Variants in ANKMY1 observed in about 807,000 individuals in gnomAD.
The protein encoded by ANKMY1 is ankyrin repeat and MYND domain-containing protein 1.
In ANKMY1, 98 loss-of-function variants were observed where a neutral mutation model predicts 102.0. That is an observed-to-expected ratio of 0.96 (90% CI 0.82 to 1.14). The LOEUF is 1.14. ANKMY1 is among the 50% of genes most tolerant of loss of function. The pLI is 0.00. For missense variants in ANKMY1, 1,330 were observed against 1,347.6 expected, an observed-to-expected ratio of 0.99 and a Z score of 0.20; for synonymous variants, 582 against 559.9, an observed-to-expected ratio of 1.04 and a Z score of -0.56.
chr2:240,474,262 ATTTTT>A, the ANKMY1 span, among the ~76,000 whole-genome samples: 3 of 90,980 alleles, frequency 3.3e-5, no homozygotes, highest in Non-Finnish European at 6.1e-5. Context: ...TGCCTGGCTA[ATTTTT>A]TTTTTTTTTT....
At chr2:240,548,184 C>T (rs1266476358) in intron 4 of ANKMY1, among the ~76,000 whole-genome samples, 1 of 152,170 alleles carries the variant, frequency 6.6e-6, no homozygotes, top group Admixed American at 6.5e-5. Context: ...TGGGCTTCAT[C>T]CCTGGGATGC....
the ANKMY1 span, among the ~76,000 whole-genome samples, chr2:240,470,597 A>G: frequency 6.6e-6 from 1 of 152,214 alleles, no homozygotes; most frequent in East Asian, 1.9e-4. Context: ...TTTACACTCA[A>G]TCTGGGAAAG....
intron 13 of ANKMY1, among the ~76,000 whole-genome samples, chr2:240,504,576 A>T (rs550510061): frequency 4.6e-5 from 7 of 151,874 alleles, no homozygotes; most frequent in Non-Finnish European, 8.8e-5. Flanking sequence ...AAAACTCAAT[A>T]ATATTAAAAA....
At chr2:240,479,838 G>A (rs1483413654) in intron 17 of ANKMY1, among the ~76,000 whole-genome samples, 183 bp from the exon 18 acceptor site, 1 of 152,176 alleles carries the variant, frequency 6.6e-6, no homozygotes, top group East Asian at 1.9e-4. Context: ...TCTTCAAAGA[G>A]GGGCCTGCCA....
At position 240,529,532 on chromosome 2, in the gene ANKMY1, C is replaced by T. The variant is rs373285689; in HGVS notation, c.481-23G>A. ...CCCCTGCCAAGGAAGCGCAATAGAC[C>T]GAGGAGAGATAACGCGACCCAGCTG... is the stretch of plus-strand genomic sequence containing the variant. On this transcript the variant is annotated intron_variant, in intron 4 of 17. Transcript: ENST00000401804. The surrounding 1 kb of genome is among the most constrained non-coding windows in gnomAD (Gnocchi z 4.2). The T allele has an allele frequency of 2.3e-3, 3,607 of 1,581,880 alleles. 10 individuals are homozygous for T. Among genetic ancestry groups the T allele is most frequent in the Non-Finnish European group, 2.8e-3 (3,211 of 1,162,208 alleles).
Position 240,553,077 on chromosome 2 carries a change from G to A in ANKMY1, c.337-20C>T, listed in dbSNP as rs1446789500. 1.2e-6 allele frequency: 2 copies of A among 1,610,300 alleles called. No homozygotes were observed. Among genetic ancestry groups the A allele is most frequent in the Admixed American group, 3.3e-5 (2 of 59,884 alleles). ...GTATGACTGTGAGATGGAGAAGTTG[G>A]TGAGAAATTGCTGCTCTTCCAGAAC... On this transcript the variant is annotated intron_variant, in intron 3 of 17. Transcript: ENST00000401804.
In ANKMY1 at chr2:240,529,289, T is replaced by C. The variant is rs2084697007; in HGVS notation, c.701A>G (p.Gln234Arg). 12 of 1,614,198 alleles carry C rather than the reference T, an allele frequency of 7.4e-6. No homozygotes were observed. Among genetic ancestry groups the C allele is most frequent in the Non-Finnish European group, 1.0e-5 (12 of 1,180,030 alleles). ...SEEEKTEWGLQEGQDPFFYDY... is the reference protein window; with the variant it reads ...SEEEKTEWGLREGQDPFFYDY... The stretch of plus-strand genomic sequence containing the variant: ...ATAGAAAAAGGGATCCTGTCCCTCC[T>C]GCAGTCCCCACTCCGTTTTCTCCTC... Residue 234 changes from glutamine to arginine, a missense_variant, in exon 5 of 18, where the codon CAG (glutamine) becomes CGG (arginine). Transcript: ENST00000401804. The surrounding 1 kb of genome is among the most constrained non-coding windows in gnomAD (Gnocchi z 4.2).
At chr2:240,531,891 A>C (rs572433644) in intron 4 of ANKMY1, among the ~76,000 whole-genome samples, 1 of 152,362 alleles carries the variant, frequency 6.6e-6, no homozygotes, top group African/African-American at 2.4e-5. Context: ...TGCAAATTTT[A>C]TCTCAATAAA....
intron 15 of ANKMY1, among the ~76,000 whole-genome samples, chr2:240,496,570 T>G (rs2077296778): frequency 1.3e-5 from 2 of 152,232 alleles, no homozygotes; most frequent in Admixed American, 6.5e-5. Flanking sequence ...ATTTGGTTAA[T>G]GACCAGCTGG....
chr2:240,525,949 C>A, intron 6 of ANKMY1, 100 bp from the exon 7 acceptor site: 2 of 1,409,012 alleles, frequency 1.4e-6, no homozygotes, highest in Non-Finnish European at 2.0e-6. Context: ...CACCCTATGG[C>A]AGGGCAGGAA....
intron 4 of ANKMY1, among the ~76,000 whole-genome samples, chr2:240,535,292 A>C (rs2086451295): frequency 6.6e-6 from 1 of 152,214 alleles, no homozygotes; most frequent in Admixed American, 6.5e-5. Context: ...TTCAGGCTGC[A>C]GGTAAATTTA....
In ANKMY1 at chr2:240,524,319, C is replaced by T; in HGVS notation, c.1398G>A (p.Glu466=). 1.2e-6 allele frequency: 2 copies of T among 1,613,354 alleles called. No homozygotes were observed. Among genetic ancestry groups the T allele is most frequent in the Non-Finnish European group, 1.7e-6 (2 of 1,179,706 alleles). ...LSSSFMDTNL[E]SLYYEVNVPS... Reference sequence around the variant, plus strand: ...GCACGTTCACCTCATAGTACAGAGACTCCAGGTTTGTGTCCATAAATGATG... The same window carrying T: ...GCACGTTCACCTCATAGTACAGAGATTCCAGGTTTGTGTCCATAAATGATG... The change falls in exon 8 of 18, where the codon GAG becomes GAA. Residue 466 remains glutamate, a synonymous_variant. Transcript: ENST00000401804.
chr2:240,512,850 A>G lies in ANKMY1; in HGVS notation c.2097T>C (p.Asp699=), dbSNP rs2080496691. 1 of 1,614,094 alleles carries G rather than the reference A, an allele frequency of 6.2e-7. No individual in the cohort carries two copies. Among genetic ancestry groups the G allele is most frequent in the Non-Finnish European group, 8.5e-7 (1 of 1,180,008 alleles). ...IVELLLHAIT[D]VDAKASDEDD... ...CCTCGTCGGATGCCTTGGCGTCCAC[A>G]TCGGTGATGGCATGCAACAGCAGCT... The change falls in exon 10 of 18, where the codon GAT becomes GAC. Residue 699 remains aspartate, a synonymous_variant. Transcript: ENST00000401804.
At chr2:240,521,074 C>T (rs12993002) in intron 8 of ANKMY1, among the ~76,000 whole-genome samples, 5,072 of 152,186 alleles carry the variant, frequency 0.033, 127 homozygotes, top group Non-Finnish European at 0.045. Context: ...AAAACTTGGG[C>T]CTCAAGAGAG....
chr2:240,524,359 A>G lies in ANKMY1; in HGVS notation c.1358T>C (p.Val453Ala). 6.3e-7 allele frequency: 1 copy of G among 1,595,366 alleles called. No individual in the cohort carries two copies. Among genetic ancestry groups the G allele is most frequent in the Non-Finnish European group, 8.6e-7 (1 of 1,169,200 alleles). Reference sequence around the variant, plus strand: ...CATAAATGATGATGAAAGGATTGGAACAACTGGGAATTTTGGAGGTTCCTT... The same window carrying G: ...CATAAATGATGATGAAAGGATTGGAGCAACTGGGAATTTTGGAGGTTCCTT... ...EPQEPPKFPV[V>A]PILSSSFMDT... Residue 453 changes from valine (V) to alanine (A), a missense_variant, in exon 8 of 18, where the codon GTT becomes GCT. Val to Ala is a moderately conservative substitution (Grantham distance 64). Transcript: ENST00000401804.
Position 240,529,245 on chromosome 2 carries a change from G to T in ANKMY1, c.745C>A (p.Leu249Met), listed in dbSNP as rs148669449. ...PFFYDYKRFL[L>M]NDNLTLPPEM... ...GGAGGCAGCGTTAGGTTGTCATTCA[G>T]AAGAAACCGCTTATAGTCATAGAAA... Residue 249 changes from leucine to methionine, a missense_variant, in exon 5 of 18, where the codon CTG becomes ATG. Transcript: ENST00000401804. The surrounding 1 kb of genome is among the most constrained non-coding windows in gnomAD (Gnocchi z 4.2). The T allele has an allele frequency of 2.1e-5, 34 of 1,614,188 alleles. No homozygotes were observed. In the African/African-American group the frequency reaches 3.5e-4, roughly 16 times the overall value.
chr2:240,525,984 A>T lies in ANKMY1; in HGVS notation c.1171-135T>A, dbSNP rs938751497. ...ACCAGTGCTCATTCGGGAGCTTGGC[A>T]AAGGGACAAGTGTGGGACAGAGGAA... On this transcript the variant is annotated intron_variant, in intron 6 of 17. Transcript: ENST00000401804. 2.3e-5 allele frequency: 28 copies of T among 1,206,480 alleles called. 1 individual carries two copies. The East Asian group carries it at 6.6e-4, about 28-fold the overall frequency. 74.7% of individuals were successfully genotyped at this position (1,206,480 alleles called of 1,614,324 possible). A position where few individuals can be genotyped will look rare whatever the true frequency, so the allele number is the denominator to read the frequency against.
intron 11 of ANKMY1, 148 bp from the exon 12 acceptor site, chr2:240,509,603 C>T (rs957324678): frequency 1.7e-6 from 1 of 603,400 alleles, no homozygotes; most frequent in South Asian, 2.2e-5. Flanking sequence ...ACAAGGTGTT[C>T]AAAATTGTGG....
intron 15 of ANKMY1, among the ~76,000 whole-genome samples, chr2:240,498,293 T>TG (rs199604683): frequency 0.37 from 18,884 of 50,420 alleles, 1,932 homozygotes; most frequent in Middle Eastern, 0.45. Context: ...GTGTTGGGGG[T>TG]GGGGGGGGTT....
Sources: gnomAD v4.1 joint callset for allele counts (sites outside exome capture counted in the v4.1 genomes callset) on GRCh38, gnomAD v4.1.1 for gene constraint, Gnocchi (gnomAD v3.1) non-coding constraint, MANE v1.5 for transcripts, NCBI Gene and HGNC (gene_info 2026-07-23, HGNC 2026-07-21) for gene names.